The following PCDH15 variants were observed in gnomAD, a reference collection of about 807,000 sequenced individuals.
PCDH15 encodes protocadherin-15.
Under a neutral mutation model 178.5 loss-of-function variants are expected in PCDH15, and 129 were observed. The ratio of observed to expected loss-of-function variants is 0.72; its 90% confidence interval spans 0.63 to 0.84. The LOEUF (loss-of-function observed/expected upper bound fraction) is 0.84. Ranked by LOEUF, PCDH15 falls within the 40% of genes least tolerant of loss-of-function variation. PCDH15 has a pLI of 0.00. For missense variants in PCDH15, 2,230 were observed against 2,099.9 expected (o/e 1.06, Z -1.21); for synonymous variants, 800 against 732.0 (o/e 1.09, Z -1.50).
At chr10:53,877,027 T>C (rs886565752) in intron 26 of PCDH15, among the ~76,000 whole-genome samples, 4 of 152,052 alleles carry the variant, frequency 2.6e-5, no homozygotes, top group African/African-American at 9.7e-5. Context: ...AGAAAGAAAC[T>C]AAAGAAAAGC....
At chr10:55,132,749 G>A (rs1203213604) in intron 2 of PCDH15, among the ~76,000 whole-genome samples, 1 of 152,102 alleles carries the variant, frequency 6.6e-6, no homozygotes, top group Non-Finnish European at 1.5e-5. Flanking sequence ...ATAGAGTATT[G>A]TACTTTACTC....
At chr10:54,077,975 A>G (rs1351425468) in intron 17 of PCDH15, among the ~76,000 whole-genome samples, 3 of 152,160 alleles carry the variant, frequency 2.0e-5, no homozygotes, top group Non-Finnish European at 4.4e-5. Flanking sequence ...AGGCAGGAGA[A>G]TCACTTGAAC....
At chr10:55,466,297 T>C (rs1839829838) in intron 2 of PCDH15, among the ~76,000 whole-genome samples, 1 of 152,130 alleles carries the variant, frequency 6.6e-6, no homozygotes, top group South Asian at 2.1e-4. Flanking sequence ...GATATCTACT[T>C]TGGCCTAACT....
chr10:54,864,327 G>A (rs1953898226), intron 3 of PCDH15, among the ~76,000 whole-genome samples: 2 of 151,950 alleles, frequency 1.3e-5, no homozygotes, highest in Admixed American at 1.3e-4. Context: ...GTCTAAATTG[G>A]TTGACCTCTT....
At chr10:55,275,020 C>T (rs2132251121) in intron 1 of PCDH15, among the ~76,000 whole-genome samples, 1 of 152,140 alleles carries the variant, frequency 6.6e-6, no homozygotes, top group Non-Finnish European at 1.5e-5. Flanking sequence ...AGTCCCATTT[C>T]CTGCTGTTTT....
At chr10:55,310,429 T>C (rs1843556356) in intron 1 of PCDH15, among the ~76,000 whole-genome samples, 1 of 152,204 alleles carries the variant, frequency 6.6e-6, no homozygotes, top group Non-Finnish European at 1.5e-5. Flanking sequence ...TTTTTTTCAT[T>C]TCTAAAAGAA....
In PCDH15 at chr10:55,563,307, T is replaced by G. The variant is rs77762925; in HGVS notation, c.-156+64318A>C. Among the ~76,000 whole-genome samples the G allele has an allele frequency of 4.6e-3, 702 of 151,960 alleles. 6 individuals carry two copies. Among genetic ancestry groups the G allele is most frequent in the African/African-American group, 0.016 (669 of 41,498 alleles). On this transcript the variant is annotated intron_variant, in intron 2 of 5. Coordinates refer to the PCDH15 transcript ENST00000613346. ...ATTTTTCCTTTACCCCTTTGAGAAG[T>G]CAAACATTAAAGAATAGTATATTTC...
At chr10:53,949,500 C>G (rs1366623363) in intron 23 of PCDH15, among the ~76,000 whole-genome samples, 1 of 152,094 alleles carries the variant, frequency 6.6e-6, no homozygotes. Context: ...TTCTCAAAAT[C>G]TGTAAGTCCA....
intron 26 of PCDH15, among the ~76,000 whole-genome samples, chr10:53,885,421 A>T (rs1414728484): frequency 6.6e-6 from 1 of 152,162 alleles, no homozygotes; most frequent in Non-Finnish European, 1.5e-5. Context: ...ATATTATTTT[A>T]AAAACTGTTC....
intron 2 of PCDH15, among the ~76,000 whole-genome samples, chr10:55,422,075 C>A (rs1838635045): frequency 6.6e-6 from 1 of 151,720 alleles, no homozygotes; most frequent in South Asian, 2.1e-4. Context: ...AGACAATATG[C>A]ATTACTCCAA....
At chr10:54,267,885 T>C (rs1011531532) in intron 8 of PCDH15, among the ~76,000 whole-genome samples, 1 of 151,866 alleles carries the variant, frequency 6.6e-6, no homozygotes, top group Admixed American at 6.6e-5. Context: ...GCAGTTCCTA[T>C]GAAACTGCCA....
rs1226090152 is a variant in PCDH15 at position 54,153,280 on chromosome 10, T to C, written c.1604A>G (p.Asp535Gly). ...CTCCCCATTTGACCCTTCGTCTGCG[T>C]CGACTGCAGTGAGCTGGAATTGAAA... is the stretch of plus-strand genomic sequence containing the variant. ...GDSVIQLTAV[D>G]ADEGSNGEIT... The change falls in exon 14 of 38, where the codon GAC (aspartate) becomes GGC (glycine). Residue 535 changes from aspartate (D) to glycine (G), a missense_variant. Transcript: ENST00000644397. 3 of 1,613,794 alleles carry C rather than the reference T, an allele frequency of 1.9e-6. No individual in the cohort carries two copies. The highest frequency in any genetic ancestry group is 2.5e-6 in the Non-Finnish European group (3 of 1,179,836).
intron 1 of PCDH15, among the ~76,000 whole-genome samples, chr10:55,180,866 A>C (rs554335741): frequency 6.6e-6 from 1 of 152,074 alleles, no homozygotes; most frequent in Non-Finnish European, 1.5e-5. Context: ...TTTCTGTTCT[A>C]TGTTTGTTTT....
intron 2 of PCDH15, among the ~76,000 whole-genome samples, chr10:55,494,419 T>C (rs1255033292): frequency 1.3e-5 from 2 of 151,906 alleles, no homozygotes; most frequent in East Asian, 3.9e-4. Flanking sequence ...TTGATTGGAT[T>C]GTTTAATATA....
chr10:54,779,531 C>CATATATGTGTGTATATATATATACACAT (rs1555192936), intron 1 of PCDH15, among the ~76,000 whole-genome samples: 1 of 132,700 alleles, frequency 7.5e-6, no homozygotes, highest in Admixed American at 7.2e-5. Context: ...TATATACACA[C>CATATATGTGTGTATATATATATACACAT]ACATATATAT....
intron 18 of PCDH15, among the ~76,000 whole-genome samples, chr10:54,031,689 T>G (rs2093299861): frequency 6.6e-6 from 1 of 152,108 alleles, no homozygotes; most frequent in African/African-American, 2.4e-5. Flanking sequence ...GGCCTCTTAC[T>G]AAGTAAGCAT....
intron 27 of PCDH15, among the ~76,000 whole-genome samples, chr10:53,864,296 A>G (rs1043696403): frequency 5.3e-5 from 8 of 152,114 alleles, no homozygotes; most frequent in Admixed American, 6.6e-5. Flanking sequence ...GTCTGGGGGC[A>G]GGGAACATAA....
intron 2 of PCDH15, among the ~76,000 whole-genome samples, chr10:54,601,471 C>T (rs1286271844): frequency 1.3e-5 from 2 of 151,896 alleles, no homozygotes; most frequent in Admixed American, 1.3e-4. Flanking sequence ...TAGAGACACG[C>T]AAATAAAAAC....
At chr10:55,143,731 A>G (rs1458607209) in intron 2 of PCDH15, among the ~76,000 whole-genome samples, 1 of 152,120 alleles carries the variant, frequency 6.6e-6, no homozygotes, top group Admixed American at 6.6e-5. Flanking sequence ...GACTTGAATT[A>G]ACCTATGAAA....
Sources: gnomAD v4.1 joint callset for allele counts (sites outside exome capture counted in the v4.1 genomes callset) on GRCh38, gnomAD v4.1.1 for gene constraint, MANE v1.5 for transcripts, NCBI Gene and HGNC (gene_info 2026-07-23, HGNC 2026-07-21) for gene names.